Variants in ROBO2 observed in about 807,000 individuals in gnomAD.
ROBO2 encodes roundabout homolog 2.
In ROBO2, 53 loss-of-function variants were observed where a neutral mutation model predicts 160.8. The ratio of observed to expected loss-of-function variants is 0.33; its 90% confidence interval spans 0.26 to 0.41. The LOEUF (loss-of-function observed/expected upper bound fraction) is 0.41. Ranked by LOEUF, ROBO2 falls within the 10% of genes least tolerant of loss-of-function variation. The pLI is 1.00. For synonymous variants in ROBO2, 664 were observed against 611.7 expected (o/e 1.09, Z -1.26); for missense variants, 1,577 against 1,722.4 (o/e 0.92, Z 1.49).
intron 2 of ROBO2, among the ~76,000 whole-genome samples, chr3:76,887,985 T>G (rs2074040132): frequency 6.6e-6 from 1 of 152,200 alleles, no homozygotes; most frequent in African/African-American, 2.4e-5. Flanking sequence ...CTTCAAAATA[T>G]TTTTCTGACT....
At chr3:76,862,778 T>C (rs1159203081) in intron 2 of ROBO2, among the ~76,000 whole-genome samples, 1 of 152,160 alleles carries the variant, frequency 6.6e-6, no homozygotes, top group Non-Finnish European at 1.5e-5. Flanking sequence ...TCGTATGTCC[T>C]GAACCCTTTC....
chr3:77,054,149 T>G (rs750484429), intron 1 of ROBO2, among the ~76,000 whole-genome samples: 1 of 152,194 alleles, frequency 6.6e-6, no homozygotes, highest in Non-Finnish European at 1.5e-5. Flanking sequence ...GGATTTTCCA[T>G]TGGAAAGTTC....
Position 76,191,537 on chromosome 3 carries a change from T to C in ROBO2, c.109+253935T>C, listed in dbSNP as rs573433328. Among the ~76,000 whole-genome samples, 3 of 152,250 alleles carry C rather than the reference T, an allele frequency of 2.0e-5. No homozygotes were observed. In the East Asian group the frequency reaches 5.8e-4, roughly 29 times the overall value. On this transcript the variant is annotated intron_variant, in intron 2 of 26. Transcript: ENST00000487694. ...TCTTAGCCCTCCTTGTTTGATTATA[T>C]AATATTTAATAATTCTCAGTATATT...
chr3:76,211,020 G>A (rs2107319483), intron 2 of ROBO2, among the ~76,000 whole-genome samples: 1 of 152,106 alleles, frequency 6.6e-6, no homozygotes, highest in South Asian at 2.1e-4. Context: ...CCAATCTTTT[G>A]TAATGAGTGA....
intron 2 of ROBO2, among the ~76,000 whole-genome samples, chr3:76,501,321 T>C (rs192900919): frequency 3.6e-4 from 55 of 152,304 alleles, no homozygotes; most frequent in Admixed American, 8.5e-4. Context: ...GTATAATAAT[T>C]GGACCCAAAT....
At chr3:76,272,246 A>G (rs1298966665) in intron 2 of ROBO2, among the ~76,000 whole-genome samples, 1 of 152,170 alleles carries the variant, frequency 6.6e-6, no homozygotes, top group Non-Finnish European at 1.5e-5. Flanking sequence ...TTATAATTTT[A>G]TGCCTTGGTA....
intron 2 of ROBO2, among the ~76,000 whole-genome samples, chr3:76,998,744 T>C (rs1578153399): frequency 6.6e-6 from 1 of 152,168 alleles, no homozygotes; most frequent in East Asian, 1.9e-4. Flanking sequence ...CTGGGGGAAT[T>C]TGGTGATTGA....
chr3:76,382,518 C>T (rs757078020), intron 2 of ROBO2, among the ~76,000 whole-genome samples: 88 of 152,256 alleles, frequency 5.8e-4, no homozygotes, highest in Non-Finnish European at 6.6e-4. Flanking sequence ...ACCCGGGAGG[C>T]GGAGCTTGCA....
chr3:77,642,041 G>A (rs757606269), intron 24 of ROBO2, among the ~76,000 whole-genome samples: 30 of 151,990 alleles, frequency 2.0e-4, no homozygotes, highest in African/African-American at 6.5e-4. Context: ...TTAATACATC[G>A]GAAGATTGTA....
chr3:76,465,114 G>T (rs1451350610), intron 2 of ROBO2, among the ~76,000 whole-genome samples: 2 of 152,036 alleles, frequency 1.3e-5, no homozygotes, highest in Non-Finnish European at 2.9e-5. Context: ...TTTACTACAT[G>T]AATCATAATT....
intron 2 of ROBO2, among the ~76,000 whole-genome samples, chr3:76,517,202 T>C (rs1289700907): frequency 1.3e-5 from 2 of 152,184 alleles, no homozygotes; most frequent in Non-Finnish European, 2.9e-5. Flanking sequence ...CTTTTACCCA[T>C]GTATGTACAT....
At chr3:77,371,548 T>C (rs2071756650) in intron 2 of ROBO2, among the ~76,000 whole-genome samples, 4 of 152,216 alleles carry the variant, frequency 2.6e-5, no homozygotes, top group Admixed American at 2.0e-4. Flanking sequence ...AGAGGATCTG[T>C]AGTACTCAGC....
intron 2 of ROBO2, among the ~76,000 whole-genome samples, chr3:77,110,175 G>T (rs189079394): frequency 1.3e-5 from 2 of 152,210 alleles, no homozygotes; most frequent in Admixed American, 6.5e-5. Flanking sequence ...CATGTTTGCA[G>T]GCCAAAGCAG....
chr3:76,015,290 A>G (rs567356168), intron 2 of ROBO2, among the ~76,000 whole-genome samples: 1 of 152,346 alleles, frequency 6.6e-6, no homozygotes, highest in East Asian at 1.9e-4. Flanking sequence ...TGTAAAAATT[A>G]TATAAAATAT....
At chr3:76,047,712 AATATGC>A (rs1345761884) in intron 2 of ROBO2, among the ~76,000 whole-genome samples, 1 of 152,238 alleles carries the variant, frequency 6.6e-6, no homozygotes, top group African/African-American at 2.4e-5. Context: ...GACCAGAGAC[AATATGC>A]CTGCGTGCAT....
chr3:76,550,012 GTTAAA>G (rs2083322914), intron 2 of ROBO2, among the ~76,000 whole-genome samples: 1 of 152,178 alleles, frequency 6.6e-6, no homozygotes, highest in South Asian at 2.1e-4. Context: ...TTTTTTAAAT[GTTAAA>G]TATAAGTAAT....
intron 2 of ROBO2, among the ~76,000 whole-genome samples, chr3:76,647,583 G>A (rs73120443): frequency 0.031 from 4,774 of 152,240 alleles, 87 homozygotes; most frequent in Middle Eastern, 0.068. Flanking sequence ...CAGGAGTTAG[G>A]ATGAATTTTA....
intron 8 of ROBO2, among the ~76,000 whole-genome samples, chr3:77,551,211 T>C (rs926829131): frequency 5.3e-5 from 8 of 152,058 alleles, no homozygotes; most frequent in African/African-American, 1.9e-4. Flanking sequence ...ACTTAATTCT[T>C]AAAAATAGAA....
In ROBO2 at chr3:76,736,113, C is replaced by T. The variant is rs1472477980; in HGVS notation, c.110-361901C>T. Among the ~76,000 whole-genome samples the T allele has an allele frequency of 2.6e-5, 4 of 151,424 alleles. No individual in the cohort carries two copies. In the East Asian group the frequency reaches 7.8e-4, roughly 30 times the overall value. On this transcript the variant is annotated intron_variant, in intron 2 of 26. Coordinates refer to the ROBO2 transcript ENST00000487694. ...CCTGGCTAACACGGTGAAACCCCGT[C>T]TCTACTAAAAATACAAAAAATTATC...
Sources: allele counts gnomAD v4.1 joint callset (sites outside exome capture counted in the v4.1 genomes callset), GRCh38; gene constraint gnomAD v4.1.1; transcripts MANE v1.5; gene names NCBI Gene and HGNC (gene_info 2026-07-23, HGNC 2026-07-21).